The following TMTC3 variants were observed in gnomAD, a reference collection of about 807,000 sequenced individuals.
TMTC3 encodes protein O-mannosyl-transferase TMTC3.
Under a neutral mutation model 92.2 loss-of-function variants are expected in TMTC3, and 52 were observed. The ratio of observed to expected loss-of-function variants is 0.56; its 90% CI spans 0.45 to 0.71. The LOEUF is 0.71. TMTC3 is among the 30% of genes least tolerant of loss of function. TMTC3 has a pLI of 0.00. For synonymous variants in TMTC3, 339 were observed against 363.3 expected (o/e 0.93, Z 0.76); for missense variants, 896 against 1,057.1 (o/e 0.85, Z 2.11).
At position 88,190,625 on chromosome 12, in the gene TMTC3, A is replaced by G; in HGVS notation, c.1706+3A>G. On this transcript the variant is annotated splice_donor_region_variant and intron_variant, in intron 12 of 13. Coordinates refer to ENST00000266712, the MANE Select transcript of TMTC3 (RefSeq NM_181783.4). ...TTCAAGCAGGCTTACATTAGCAGGT[A>G]TCCCAGTTCAACTTTAAGCTATCAT... 1 of 1,613,054 alleles carries G rather than the reference A, an allele frequency of 6.2e-7. No individual in the cohort carries two copies.
Position 88,153,393 on chromosome 12 carries a change from A to AT in TMTC3, c.297dup (p.His100SerfsTer5). On this transcript the variant is annotated frameshift_variant, in exon 3 of 14. Transcript: ENST00000266712. LOFTEE classifies it high-confidence loss of function. ...AATGTCATATCATCTCCTGAATATG[A>AT]TTTTTCATGCTGTGGTTAGTGTGAT... is the stretch of plus-strand genomic sequence containing the variant. 1 of 1,613,356 alleles carries AT rather than the reference A, an allele frequency of 6.2e-7. No individual in the cohort carries two copies. Among genetic ancestry groups the AT allele is most frequent in the Non-Finnish European group, 8.5e-7 (1 of 1,179,592 alleles).
chr12:88,156,748 A>C (rs902683261), intron 4 of TMTC3, among the ~76,000 whole-genome samples: 2 of 151,324 alleles, frequency 1.3e-5, no homozygotes, highest in African/African-American at 4.8e-5. Flanking sequence ...ATCCCTCATA[A>C]CACTCACAGA....
At chr12:88,167,018 G>C (rs1311251814) in intron 7 of TMTC3, among the ~76,000 whole-genome samples, 1 of 145,826 alleles carries the variant, frequency 6.9e-6, no homozygotes, top group African/African-American at 2.5e-5. Context: ...TTTGGTGGTG[G>C]TTTTTCTGTA....
chr12:88,157,046 C>T (rs538333214), intron 4 of TMTC3, among the ~76,000 whole-genome samples: 11 of 152,134 alleles, frequency 7.2e-5, no homozygotes, highest in African/African-American at 2.6e-4. Flanking sequence ...TGCTTTCTCA[C>T]AATAGAACGT....
intron 11 of TMTC3, among the ~76,000 whole-genome samples, chr12:88,189,472 TTGATTA>T (rs1163377020): frequency 6.6e-6 from 1 of 152,182 alleles, no homozygotes; most frequent in Non-Finnish European, 1.5e-5. Context: ...TTAGATATTC[TTGATTA>T]TGAGTTATCA....
At chr12:88,166,633 G>C (rs756411549) in intron 7 of TMTC3, 51 bp downstream of exon 7, 2 of 1,546,200 alleles carry the variant, frequency 1.3e-6, no homozygotes, top group Non-Finnish European at 1.7e-6. Flanking sequence ...AGTTGAATAA[G>C]TAAGAAACTA....
Position 88,195,412 on chromosome 12 carries a change from G to A in TMTC3, c.2508G>A (p.Val836=), listed in dbSNP as rs2041499463. 6.2e-7 allele frequency: 1 copy of A among 1,613,386 alleles called. No individual in the cohort carries two copies. Among genetic ancestry groups the A allele is most frequent in the Non-Finnish European group, 8.5e-7 (1 of 1,179,792 alleles). ...PIFPTSKISS[V]EGKKIPTESV... is the part of the protein sequence containing the mutation. ...TCCCAACCAGTAAGATTTCAAGTGT[G>A]GAAGGAAAGAAAATTCCAACTGAAA... Residue 836 remains valine, a synonymous_variant, in exon 14 of 14, where the codon GTG becomes GTA. Coordinates refer to ENST00000266712, the MANE Select transcript of TMTC3 (RefSeq NM_181783.4).
chr12:88,164,479 A>T (rs1592732494), intron 6 of TMTC3, among the ~76,000 whole-genome samples: 1 of 152,150 alleles, frequency 6.6e-6, no homozygotes, highest in African/African-American at 2.4e-5. Context: ...CAGGTATTAC[A>T]GTCCTTTTTC....
Position 88,197,701 on chromosome 12 carries a change from T to A in TMTC3, c.*2052T>A, listed in dbSNP as rs1319317259. The A allele has an allele frequency of 1.3e-5, 2 of 152,056 alleles. No homozygotes were observed. Among genetic ancestry groups the A allele is most frequent in the Non-Finnish European group, 2.9e-5 (2 of 67,918 alleles). The allele number at this position is 152,056 out of a possible 1,614,324, so 9.4% of individuals were successfully genotyped here. On this transcript the variant is annotated 3_prime_UTR_variant, in exon 14 of 14. Transcript: ENST00000266712. ...TATTATTAGAACTGTGCCTATTACA[T>A]AAAAAGTGCTCATGTATTTGAATTT...
chr12:88,172,581 CTTT>C lies in TMTC3; in HGVS notation c.1051-7_1051-5del. 2 of 1,025,512 alleles carry C rather than the reference CTTT, an allele frequency of 2.0e-6. No homozygotes were observed. The highest frequency in any genetic ancestry group is 2.6e-6 in the Non-Finnish European group (2 of 778,852). 63.5% of individuals were successfully genotyped at this position (1,025,512 alleles called of 1,614,324 possible). A position where few individuals can be genotyped will look rare whatever the true frequency, so the allele number is the denominator to read the frequency against. ...AATTTATTATAAATTATTAAATCTT[CTTT>C]TTTTTTTTGTAGGCGCTTTGTTTAA... On this transcript the variant is annotated splice_polypyrimidine_tract_variant and intron_variant, in intron 7 of 13. Coordinates refer to ENST00000266712, the MANE Select transcript of TMTC3 (RefSeq NM_181783.4).
chr12:88,178,692 TTTC>T (rs2041285378), intron 10 of TMTC3, among the ~76,000 whole-genome samples: 2 of 152,224 alleles, frequency 1.3e-5, no homozygotes, highest in Non-Finnish European at 2.9e-5. Flanking sequence ...AATTAATTAC[TTTC>T]TTAAGTCTTG....
At chr12:88,160,647 T>C in intron 5 of TMTC3, 32 bp from the exon 6 acceptor site, 1 of 1,593,564 alleles carries the variant, frequency 6.3e-7, no homozygotes, top group South Asian at 1.1e-5. Flanking sequence ...ATGTCGTTAT[T>C]TGTTGCTTAA....
chr12:88,195,447 A>G lies in TMTC3; in HGVS notation c.2543A>G (p.Glu848Gly), dbSNP rs1252244533. The G allele has an allele frequency of 2.5e-6, 4 of 1,613,362 alleles. No homozygotes were observed. The South Asian group carries it at 3.3e-5, about 13-fold the overall frequency. ...GKKIPTESVK[E>G]IRGESRQTQI... The stretch of plus-strand genomic sequence containing the variant: ...AAAATTCCAACTGAAAGTGTAAAAG[A>G]AATTAGAGGTGAATCCAGACAAACA... Residue 848 changes from glutamate (E) to glycine (G), a missense_variant, in exon 14 of 14, where the codon GAA becomes GGA. Glu to Gly is a moderately conservative substitution (Grantham distance 98). Transcript: ENST00000266712.
chr12:88,167,597 T>C (rs1025472216), intron 7 of TMTC3, among the ~76,000 whole-genome samples: 1 of 152,172 alleles, frequency 6.6e-6, no homozygotes, highest in East Asian at 1.9e-4. Context: ...GGTGCTGAGG[T>C]TATGATAGTA....
intron 12 of TMTC3, 96 bp from the exon 13 acceptor site, chr12:88,192,508 A>G (rs1321889155): frequency 2.6e-6 from 2 of 783,184 alleles, no homozygotes; most frequent in Non-Finnish European, 4.2e-6. Flanking sequence ...GAGAAAAAAA[A>G]GCTGTATGTG....
In TMTC3 at chr12:88,167,437, AGAC is replaced by A. The variant is rs571561864; in HGVS notation, c.1050+856_1050+858del. On this transcript the variant is annotated intron_variant, in intron 7 of 13. Coordinates refer to ENST00000266712, the MANE Select transcript of TMTC3 (RefSeq NM_181783.4). ...AAAAATAAAAATAAAAGTTTATTGAAGACAATAGTACATTTTCTCAGGCATTTA... is the reference window on the plus strand; with the variant it reads ...AAAAATAAAAATAAAAGTTTATTGAAAATAGTACATTTTCTCAGGCATTTA... Among the ~76,000 whole-genome samples the A allele has an allele frequency of 3.9e-5, 6 of 152,304 alleles. No individual in the cohort carries two copies. The South Asian group carries it at 1.2e-3, about 32-fold the overall frequency.
intron 10 of TMTC3, among the ~76,000 whole-genome samples, chr12:88,184,569 G>C (rs1046302712): frequency 1.3e-5 from 2 of 152,194 alleles, no homozygotes; most frequent in African/African-American, 4.8e-5. Context: ...GTATAATGCA[G>C]GGAAGAAGGC....
At position 88,198,748 on chromosome 12, in the gene TMTC3, A is replaced by AAAT. The variant is rs1454832757; in HGVS notation, c.*3101_*3103dup. 2.0e-5 allele frequency: 4 copies of AAAT among 203,314 alleles called. No individual in the cohort carries two copies. The South Asian group carries it at 7.5e-4, about 38-fold the overall frequency. 12.6% of individuals were successfully genotyped at this position (203,314 alleles called of 1,614,324 possible). ...GATGCTTTAATGAAAAGTATTAAGA[A>AAAT]AATATATAGATTTGTATGTCAGTTT... is the stretch of plus-strand genomic sequence containing the variant. On this transcript the variant is annotated 3_prime_UTR_variant, in exon 14 of 14. Transcript: ENST00000266712.
rs114691356 is a variant in TMTC3 at position 88,144,429 on chromosome 12, A to G, written c.-29+1942A>G. ...TTCTGTTTTTTTTTTCATTCGTTAT[A>G]ACTTATTTTTATGTATTCACTTACA... On this transcript the variant is annotated intron_variant, in intron 1 of 13. Coordinates refer to ENST00000266712, the MANE Select transcript of TMTC3 (RefSeq NM_181783.4). Among the ~76,000 whole-genome samples, 804 of 151,148 alleles carry G rather than the reference A, an allele frequency of 5.3e-3. 14 individuals carry two copies. Among genetic ancestry groups the G allele is most frequent in the African/African-American group, 0.019 (773 of 41,114 alleles).
Sources: allele counts gnomAD v4.1 joint callset (sites outside exome capture counted in the v4.1 genomes callset), GRCh38; gene constraint gnomAD v4.1.1; transcripts MANE v1.5; gene names NCBI Gene and HGNC (gene_info 2026-07-23, HGNC 2026-07-21).